FAM219A: variants seen among roughly 807,000 people sequenced by gnomAD.
The protein encoded by FAM219A is protein FAM219A.
Under a neutral mutation model 23.4 loss-of-function variants are expected in FAM219A, and 7 were observed. That is an observed-to-expected ratio of 0.30 (90% confidence interval 0.17 to 0.56). The LOEUF (loss-of-function observed/expected upper bound fraction) is 0.56, where lower values mean the gene tolerates loss of function less well. Among genes scored for constraint, FAM219A ranks in the 20% least tolerant of loss-of-function variants. The pLI, the probability that FAM219A is intolerant of heterozygous loss-of-function variation, is 0.92. For synonymous variants in FAM219A, 93 were observed against 99.0 expected (o/e 0.94, Z 0.36); for missense variants, 166 against 246.9 (o/e 0.67, Z 2.20).
chr9:34,430,077 T>C (rs1052540666), intron 1 of FAM219A, among the ~76,000 whole-genome samples: 6 of 152,138 alleles, frequency 3.9e-5, no homozygotes, highest in Non-Finnish European at 5.9e-5. Context: ...TTCAGAGTGA[T>C]GGTGACCTCA....
intron 1 of FAM219A, among the ~76,000 whole-genome samples, chr9:34,421,009 TGAGAGAGAGAGA>T (rs143749316): frequency 2.3e-5 from 2 of 86,436 alleles, no homozygotes; most frequent in East Asian, 3.0e-4. Context: ...TGTGTGTGTG[TGAGAGAGAGAGA>T]GAGAGAGAGA....
intron 1 of FAM219A, among the ~76,000 whole-genome samples, chr9:34,424,577 C>T (rs937837905): frequency 2.6e-5 from 4 of 152,174 alleles, no homozygotes; most frequent in East Asian, 1.9e-4. Flanking sequence ...TTTGGCCTAT[C>T]GTCCCCAGGC....
chr9:34,412,468 T>C (rs1220563153), intron 1 of FAM219A, among the ~76,000 whole-genome samples: 1 of 152,174 alleles, frequency 6.6e-6, no homozygotes, highest in African/African-American at 2.4e-5. Flanking sequence ...AGGTTGAATT[T>C]TGAGGTGTCT....
Position 34,402,785 on chromosome 9 carries a change from C to A in FAM219A, c.183G>T (p.Arg61=), listed in dbSNP as rs528369189. 3 of 1,614,204 alleles carry A rather than the reference C, an allele frequency of 1.9e-6. No individual in the cohort carries two copies. In the South Asian group the frequency reaches 3.3e-5, roughly 18 times the overall value. ...VKLEKQRELA[R]KGSLKNGSMG... is the part of the protein sequence containing the mutation. ...TGCTGCCATTCTTCAGGGAGCCCTT[C>A]CGGGCCAGCTCCCGCTGCTTCTCTG... The change falls in exon 3 of 6, where the codon CGG becomes CGT. Residue 61 remains arginine (R), a synonymous_variant. Coordinates refer to ENST00000651358, the MANE Select transcript of FAM219A (RefSeq NM_001184940.2).
chr9:34,431,976 A>G (rs4879788), intron 1 of FAM219A, among the ~76,000 whole-genome samples: 73,866 of 152,048 alleles, frequency 0.49, 19,515 homozygotes, highest in African/African-American at 0.69. Flanking sequence ...TATTTGTGCC[A>G]TTTATTTATC....
chr9:34,401,852 T>C (rs1191881375), intron 4 of FAM219A, 132 bp from the exon 5 acceptor site: 3 of 956,002 alleles, frequency 3.1e-6, no homozygotes, highest in Non-Finnish European at 3.2e-6. Flanking sequence ...CAATACGAAC[T>C]GTGCTTGCTG....
At chr9:34,446,231 C>A (rs1823368231) in intron 1 of FAM219A, among the ~76,000 whole-genome samples, 1 of 151,690 alleles carries the variant, frequency 6.6e-6, no homozygotes, top group South Asian at 2.1e-4. Context: ...GACACTGTAC[C>A]CATAAACTTT....
intron 1 of FAM219A, among the ~76,000 whole-genome samples, chr9:34,419,782 T>G (rs1310423406): frequency 6.6e-6 from 1 of 152,190 alleles, no homozygotes; most frequent in Non-Finnish European, 1.5e-5. Context: ...GCTCCTTGAT[T>G]TGCAGGAAAG....
At chr9:34,416,609 AT>A (rs1822041332) in intron 1 of FAM219A, among the ~76,000 whole-genome samples, 1 of 151,902 alleles carries the variant, frequency 6.6e-6, no homozygotes, top group Non-Finnish European at 1.5e-5. Context: ...ACTAAAAAAT[AT>A]AAAAATTAGC....
chr9:34,454,423 G>A (rs976588106), intron 1 of FAM219A, among the ~76,000 whole-genome samples: 10 of 152,200 alleles, frequency 6.6e-5, no homozygotes, highest in African/African-American at 2.2e-4. Context: ...GCAACAGAGC[G>A]AGACTCCGTC....
intron 1 of FAM219A, among the ~76,000 whole-genome samples, chr9:34,409,775 T>C (rs1371965788): frequency 6.6e-6 from 1 of 152,238 alleles, no homozygotes; most frequent in Non-Finnish European, 1.5e-5. Flanking sequence ...AGCTATAGGA[T>C]GTGGGTCTGG....
intron 1 of FAM219A, among the ~76,000 whole-genome samples, chr9:34,415,270 C>T (rs1455947748): frequency 6.6e-6 from 1 of 152,166 alleles, no homozygotes; most frequent in Non-Finnish European, 1.5e-5. Flanking sequence ...TTATCACACT[C>T]GGGCTAGAGT....
Position 34,458,159 on chromosome 9 carries a change from C to T in FAM219A, c.60+45G>A. 2 of 1,541,032 alleles carry T rather than the reference C, an allele frequency of 1.3e-6. No homozygotes were observed. Among genetic ancestry groups the T allele is most frequent in the South Asian group, 1.2e-5 (1 of 82,932 alleles). On this transcript the variant is annotated intron_variant, in intron 1 of 5. Coordinates refer to ENST00000651358, the MANE Select transcript of FAM219A (RefSeq NM_001184940.2). This position sits in a 1 kb window ranked among gnomAD's most constrained non-coding sequence, Gnocchi z 6.6. Reference sequence around the variant, plus strand: ...CCTGATTCCCTCCCTCCCCCTCAAGCGACGCCCCCTCCGGCCTTGGCCTGC... The same window carrying T: ...CCTGATTCCCTCCCTCCCCCTCAAGTGACGCCCCCTCCGGCCTTGGCCTGC...
intron 1 of FAM219A, among the ~76,000 whole-genome samples, chr9:34,440,993 G>A (rs984176381): frequency 5.9e-5 from 9 of 152,018 alleles, no homozygotes; most frequent in African/African-American, 2.2e-4. Flanking sequence ...TGAGCCTCTC[G>A]AGTAGCTGGG....
chr9:34,402,917 A>G (rs1821503713), intron 2 of FAM219A, 110 bp from the exon 3 acceptor site: 1 of 905,778 alleles, frequency 1.1e-6, no homozygotes, highest in Non-Finnish European at 1.7e-6. Context: ...TGCTCCTAGA[A>G]GGACTGAGGC....
chr9:34,454,904 G>A (rs938850702), intron 1 of FAM219A, among the ~76,000 whole-genome samples: 3 of 152,114 alleles, frequency 2.0e-5, no homozygotes, highest in African/African-American at 7.2e-5. Context: ...TGATGATGGC[G>A]CCCATGTGAC....
At chr9:34,428,838 A>G (rs1490725762) in intron 1 of FAM219A, among the ~76,000 whole-genome samples, 2 of 152,372 alleles carry the variant, frequency 1.3e-5, no homozygotes, top group African/African-American at 2.4e-5. Flanking sequence ...TGTGCATTAA[A>G]AGAGCCTGTG....
intron 3 of FAM219A, 23 bp from the exon 4 acceptor site, chr9:34,402,490 T>TA: frequency 6.2e-7 from 1 of 1,613,940 alleles, no homozygotes; most frequent in South Asian, 1.1e-5. Context: ...TTTCGGGAGT[T>TA]AGAGTGGCAA....
chr9:34,419,490 G>A (rs913330372), intron 1 of FAM219A, among the ~76,000 whole-genome samples: 2 of 152,134 alleles, frequency 1.3e-5, no homozygotes, highest in African/African-American at 4.8e-5. Flanking sequence ...CTTCTAGAAT[G>A]TGGATTCCAG....
Sources: gnomAD v4.1 joint callset for allele counts (sites outside exome capture counted in the v4.1 genomes callset) on GRCh38, gnomAD v4.1.1 for gene constraint, Gnocchi (gnomAD v3.1) non-coding constraint, MANE v1.5 for transcripts, NCBI Gene and HGNC (gene_info 2026-07-23, HGNC 2026-07-21) for gene names.